Variants in NRXN1 observed in about 807,000 individuals in gnomAD.
The protein encoded by NRXN1 is neurexin 1, also known as neurexin-1.
In NRXN1, 39 loss-of-function variants were observed where a neutral mutation model predicts 150.9. That is an observed-to-expected ratio of 0.26 (90% CI 0.20 to 0.34). The LOEUF (loss-of-function observed/expected upper bound fraction) is 0.34. NRXN1 is among the 10% of genes least tolerant of loss of function. The probability of loss-of-function intolerance (pLI) is 1.00; values close to 1 mark genes in which losing one functional copy is unlikely to be tolerated. For synonymous variants in NRXN1, 924 were observed against 757.0 expected (o/e 1.22, Z -3.62); for missense variants, 1,815 against 1,949.9 (o/e 0.93, Z 1.30).
chr2:50,043,738 C>G (rs1691374931), intron 21 of NRXN1, among the ~76,000 whole-genome samples: 1 of 152,132 alleles, frequency 6.6e-6, no homozygotes, highest in Non-Finnish European at 1.5e-5. Context: ...AAATGCTGGT[C>G]TATGTTTAAG....
At chr2:50,413,183 A>G (rs568625976) in intron 17 of NRXN1, among the ~76,000 whole-genome samples, 1 of 152,326 alleles carries the variant, frequency 6.6e-6, no homozygotes, top group South Asian at 2.1e-4. Context: ...CAAACCCTCT[A>G]TCTAACAAGG....
At chr2:50,212,870 G>A (rs2063133900) in intron 18 of NRXN1, among the ~76,000 whole-genome samples, 1 of 151,916 alleles carries the variant, frequency 6.6e-6, no homozygotes, top group African/African-American at 2.4e-5. Context: ...GTAGGTACCA[G>A]TTGCAAGTCA....
intron 2 of NRXN1, among the ~76,000 whole-genome samples, chr2:51,019,801 T>C (rs562386623): frequency 6.6e-6 from 1 of 152,126 alleles, no homozygotes; most frequent in East Asian, 1.9e-4. Flanking sequence ...ATAAAGAACA[T>C]AAAAGTGGAA....
intron 2 of NRXN1, among the ~76,000 whole-genome samples, chr2:51,020,150 C>T (rs1001023301): frequency 2.1e-4 from 32 of 151,656 alleles, no homozygotes; most frequent in African/African-American, 7.5e-4. Flanking sequence ...ATGTAACCAC[C>T]ACCCATATCA....
At chr2:50,713,610 C>G (rs892647758) in intron 5 of NRXN1, among the ~76,000 whole-genome samples, 7 of 152,040 alleles carry the variant, frequency 4.6e-5, no homozygotes, top group Non-Finnish European at 8.8e-5. Flanking sequence ...TGTAATGTCC[C>G]TTCTACTTCC....
rs1008566397 is a variant in NRXN1, at chr2:51,029,082, C to T, written c.-809G>A. 1 of 152,250 alleles carries T rather than the reference C, an allele frequency of 6.6e-6. No homozygotes were observed. 9.4% of individuals were successfully genotyped at this position (152,250 alleles called of 1,614,324 possible). A position where few individuals can be genotyped will look rare whatever the true frequency, so the allele number is the denominator to read the frequency against. On this transcript the variant is annotated 5_prime_UTR_variant, in exon 2 of 23. Coordinates refer to ENST00000401669, the MANE Select transcript of NRXN1 (RefSeq NM_001330078.2). The stretch of plus-strand genomic sequence containing the variant: ...TTAGATGTGGAAATCGCAACAGCTC[C>T]TCTTCTTTTCTCTCTGCCTCTGCAG...
intron 21 of NRXN1, among the ~76,000 whole-genome samples, chr2:49,954,047 T>C (rs1397387687): frequency 6.6e-6 from 1 of 152,102 alleles, no homozygotes; most frequent in Non-Finnish European, 1.5e-5. Context: ...TTATAACTAA[T>C]AATTTTTGTT....
intron 5 of NRXN1, among the ~76,000 whole-genome samples, chr2:50,638,630 A>T (rs371330550): frequency 4.9e-4 from 74 of 152,306 alleles, no homozygotes; most frequent in African/African-American, 1.7e-3. Flanking sequence ...CGCATTCCAC[A>T]TTCACAGGCT....
chr2:50,725,683 T>C (rs1212699258), intron 5 of NRXN1, among the ~76,000 whole-genome samples: 1 of 152,056 alleles, frequency 6.6e-6, no homozygotes, highest in Non-Finnish European at 1.5e-5. Context: ...TTCTATTAAA[T>C]AAAATAAGCA....
chr2:50,871,192 T>C (rs1368626360), intron 5 of NRXN1, among the ~76,000 whole-genome samples: 1 of 151,928 alleles, frequency 6.6e-6, no homozygotes, highest in Non-Finnish European at 1.5e-5. Context: ...GCTCAGTTTA[T>C]TTTCAGTTTA....
chr2:50,189,987 T>C (rs1314933961), intron 18 of NRXN1, among the ~76,000 whole-genome samples: 1 of 152,156 alleles, frequency 6.6e-6, no homozygotes, highest in Non-Finnish European at 1.5e-5. Context: ...AATGAAGTGG[T>C]ATGAGATTAG....
intron 18 of NRXN1, among the ~76,000 whole-genome samples, chr2:50,188,894 T>C (rs2061262414): frequency 6.6e-6 from 1 of 152,080 alleles, no homozygotes; most frequent in African/African-American, 2.4e-5. Flanking sequence ...TGTGGAGAAA[T>C]AGGATCGCTC....
chr2:50,606,054 G>C (rs1302215717), intron 8 of NRXN1, among the ~76,000 whole-genome samples: 1 of 152,028 alleles, frequency 6.6e-6, no homozygotes, highest in African/African-American at 2.4e-5. Context: ...TTCAAGACCA[G>C]CCTGGTCAAC....
intron 15 of NRXN1, 92 bp downstream of exon 15, chr2:50,495,813 A>G: frequency 9.4e-7 from 1 of 1,061,980 alleles, no homozygotes; most frequent in Non-Finnish European, 1.3e-6. Context: ...GTCTTTGCAG[A>G]AGGTACAAAC....
chr2:50,369,368 C>T (rs2079839231), intron 17 of NRXN1, among the ~76,000 whole-genome samples: 1 of 151,974 alleles, frequency 6.6e-6, no homozygotes, highest in African/African-American at 2.4e-5. Flanking sequence ...TCAGATTAAG[C>T]TTATTAAGTG....
chr2:50,418,180 G>C (rs545741165), intron 17 of NRXN1, among the ~76,000 whole-genome samples: 1 of 152,114 alleles, frequency 6.6e-6, no homozygotes, highest in East Asian at 1.9e-4. Flanking sequence ...GGAATGTAGG[G>C]AGGGGTTTCC....
chr2:50,431,020 T>C (rs932693073), intron 17 of NRXN1, among the ~76,000 whole-genome samples: 1 of 152,160 alleles, frequency 6.6e-6, no homozygotes, highest in Non-Finnish European at 1.5e-5. Context: ...TCAACCTCTC[T>C]CTACTCTTCC....
chr2:50,315,215 G>A (rs2075502280), intron 17 of NRXN1, among the ~76,000 whole-genome samples: 1 of 151,836 alleles, frequency 6.6e-6, no homozygotes, highest in Non-Finnish European at 1.5e-5. Context: ...AACAATTGAG[G>A]TTCTGGCAAC....
chr2:50,411,488 T>C (rs1276355372), intron 17 of NRXN1, among the ~76,000 whole-genome samples: 1 of 146,142 alleles, frequency 6.8e-6, no homozygotes, highest in African/African-American at 2.6e-5. Flanking sequence ...CGGCCGCCCA[T>C]CGTCTGGGAT....
Sources: gnomAD v4.1 joint callset for allele counts (sites outside exome capture counted in the v4.1 genomes callset) on GRCh38, gnomAD v4.1.1 for gene constraint, MANE v1.5 for transcripts, NCBI Gene and HGNC (gene_info 2026-07-23, HGNC 2026-07-21) for gene names.